Variants in TMEM164 observed in about 807,000 individuals in gnomAD.
The protein encoded by TMEM164 is transmembrane protein 164, also known as RP13-360B22.2.
A neutral mutation model predicts 18.8 loss-of-function variants in TMEM164; 4 were observed. The ratio of observed to expected loss-of-function variants is 0.21; its 90% CI spans 0.10 to 0.49. The LOEUF (loss-of-function observed/expected upper bound fraction) is 0.49. Ranked by LOEUF, TMEM164 falls within the 20% of genes least tolerant of loss-of-function variation. The probability of loss-of-function intolerance (pLI) is 0.98; values close to 1 mark genes in which losing one functional copy is unlikely to be tolerated. For synonymous variants in TMEM164, 86 were observed against 101.7 expected, an observed-to-expected ratio of 0.85 and a Z score of 0.93; for missense variants, 108 against 239.9, an observed-to-expected ratio of 0.45 and a Z score of 3.63.
At chrX:110,008,215 T>C (rs772420399) in intron 2 of TMEM164, among the ~76,000 whole-genome samples, 1 of 112,365 alleles carries the variant, frequency 8.9e-6, no homozygotes, top group Non-Finnish European at 1.9e-5. Flanking sequence ...GTCCTGAGCT[T>C]TTTGTGAAAC....
At chrX:110,178,717 C>T (rs2067311742), downstream of TMEM164, among the ~76,000 whole-genome samples, 1 of 112,504 alleles carries the variant, frequency 8.9e-6, no homozygotes, top group African/African-American at 3.2e-5. Context: ...AAAGTAGTAG[C>T]TCCAACTGCA....
At chrX:110,131,547 G>T (rs1057422583) in intron 4 of TMEM164, among the ~76,000 whole-genome samples, 4 of 111,143 alleles carry the variant, frequency 3.6e-5, no homozygotes, top group East Asian at 2.8e-4. Context: ...GTGGAAAGGG[G>T]CCTCGTTGAT....
intron 2 of TMEM164, among the ~76,000 whole-genome samples, chrX:110,024,679 G>A (rs886801160): frequency 2.7e-5 from 3 of 111,878 alleles, no homozygotes; most frequent in South Asian, 3.7e-4. Flanking sequence ...ACTTAAATAC[G>A]AGATGCCATG....
chrX:110,152,456 C>T (rs925710367), intron 5 of TMEM164, among the ~76,000 whole-genome samples: 1 of 111,228 alleles, frequency 9.0e-6, no homozygotes, highest in Non-Finnish European at 1.9e-5. Context: ...ATATATATCC[C>T]ATATTTTCTT....
chrX:110,010,831 G>T (rs1230204402), intron 2 of TMEM164, among the ~76,000 whole-genome samples: 1 of 111,635 alleles, frequency 9.0e-6, no homozygotes, highest in Admixed American at 9.5e-5. Flanking sequence ...AGTTCCACTG[G>T]CTTGTTTGGT....
intron 5 of TMEM164, among the ~76,000 whole-genome samples, chrX:110,165,074 T>C (rs1347509733): frequency 8.8e-6 from 1 of 113,195 alleles, no homozygotes; most frequent in African/African-American, 3.2e-5. Flanking sequence ...AGCTCTTGCA[T>C]TGCTACTTTC....
intron 2 of TMEM164, among the ~76,000 whole-genome samples, chrX:110,037,427 G>A (rs1027497076): frequency 4.5e-5 from 5 of 111,940 alleles, no homozygotes; most frequent in Admixed American, 3.8e-4. Context: ...GGGCAGTAGT[G>A]ATTCACAAAC....
chrX:110,061,589 C>T (rs892575850), intron 2 of TMEM164, among the ~76,000 whole-genome samples: 2 of 112,011 alleles, frequency 1.8e-5, no homozygotes, highest in African/African-American at 6.5e-5. Flanking sequence ...GGTTGGTCAA[C>T]CCCATTCTTT....
At chrX:110,080,302 A>G (rs1414679203) in intron 3 of TMEM164, among the ~76,000 whole-genome samples, 1 of 112,112 alleles carries the variant, frequency 8.9e-6, no homozygotes, top group Non-Finnish European at 1.9e-5. Context: ...TTTCCCATTA[A>G]CTTATTGAAG....
At chrX:110,080,975 A>G (rs1469219779) in intron 3 of TMEM164, among the ~76,000 whole-genome samples, 2 of 97,332 alleles carry the variant, frequency 2.1e-5, no homozygotes, top group Non-Finnish European at 3.9e-5. Flanking sequence ...GCCTCAAGTG[A>G]TGCTCCTGCC....
intron 4 of TMEM164, among the ~76,000 whole-genome samples, chrX:110,133,963 G>A (rs12840451): frequency 3.0e-4 from 34 of 112,020 alleles, no homozygotes; most frequent in Non-Finnish European, 5.8e-4. Flanking sequence ...ACAGCTAAGT[G>A]AGCTCTTGTA....
chrX:110,150,152 A>T (rs182919853), intron 5 of TMEM164, among the ~76,000 whole-genome samples: 8 of 112,536 alleles, frequency 7.1e-5, no homozygotes, highest in African/African-American at 2.6e-4. Context: ...AAACAAGCTG[A>T]CTGAGTTTGG....
chrX:110,177,563 A>G lies in TMEM164; in HGVS notation c.*4112A>G, dbSNP rs917624424. ...CACCAGTTTGCTCACCTCTTGGGGC[A>G]TTTTGTAATGTGTTTTCTCTGTCTT... On this transcript the variant is annotated 3_prime_UTR_variant, in exon 7 of 7. Coordinates refer to ENST00000372068, the MANE Select transcript of TMEM164 (RefSeq NM_032227.4). The G allele has an allele frequency of 8.9e-6, 1 of 112,576 alleles. No individual in the cohort carries two copies. The highest frequency in any genetic ancestry group is 1.9e-5 in the Non-Finnish European group (1 of 53,303). 9.3% of individuals were successfully genotyped at this position (112,576 alleles called of 1,213,427 possible).
At chrX:110,149,246 T>A (rs1427091802) in intron 5 of TMEM164, among the ~76,000 whole-genome samples, 1 of 111,894 alleles carries the variant, frequency 8.9e-6, no homozygotes, top group African/African-American at 3.3e-5. Context: ...ACCTCATACA[T>A]GGTGCATAAC....
intron 3 of TMEM164, among the ~76,000 whole-genome samples, chrX:110,107,414 T>TG (rs752121658): frequency 7.1e-5 from 8 of 112,416 alleles, no homozygotes; most frequent in African/African-American, 9.7e-5. Context: ...TGTAAAGCAG[T>TG]TAATCAGATA....
chrX:110,120,852 C>T (rs1393072808), intron 4 of TMEM164, among the ~76,000 whole-genome samples: 4 of 112,040 alleles, frequency 3.6e-5, no homozygotes, highest in Non-Finnish European at 7.5e-5. Flanking sequence ...AGTTATCTTT[C>T]TGCACATACT....
intron 3 of TMEM164, among the ~76,000 whole-genome samples, chrX:110,075,780 G>A (rs2065661625): frequency 1.8e-5 from 2 of 111,801 alleles, no homozygotes; most frequent in Non-Finnish European, 1.9e-5. Context: ...TGCATATGTT[G>A]AACCAACTTT....
intron 6 of TMEM164, among the ~76,000 whole-genome samples, chrX:110,172,187 G>A (rs1373436409): frequency 2.7e-5 from 3 of 111,833 alleles, no homozygotes; most frequent in Non-Finnish European, 5.6e-5. Flanking sequence ...CCTCACCCTT[G>A]AGGGCAGAGA....
At chrX:110,142,320 T>C (rs761321174) in intron 4 of TMEM164, among the ~76,000 whole-genome samples, 9 of 112,078 alleles carry the variant, frequency 8.0e-5, no homozygotes, top group Non-Finnish European at 1.7e-4. Flanking sequence ...CCACTATGAC[T>C]ACTCCCATTC....
Sources: gnomAD v4.1 joint callset for allele counts (sites outside exome capture counted in the v4.1 genomes callset) on GRCh38, gnomAD v4.1.1 for gene constraint, MANE v1.5 for transcripts, NCBI Gene and HGNC (gene_info 2026-07-23, HGNC 2026-07-21) for gene names.